Variants in RAB27B observed in about 807,000 individuals in gnomAD.
RAB27B encodes ras-related protein Rab-27B.
RAB27B carries 15 observed loss-of-function variants against 24.6 expected under a neutral mutation model. The observed-to-expected ratio is 0.61, with a 90% confidence interval of 0.41 to 0.94. The LOEUF is 0.94. Among genes scored for constraint, RAB27B ranks in the 40% least tolerant of loss-of-function variants. The probability of loss-of-function intolerance (pLI) is 0.00; values close to 1 mark genes in which losing one functional copy is unlikely to be tolerated. For missense variants in RAB27B, 261 were observed against 266.8 expected, an observed-to-expected ratio of 0.98 and a Z score of 0.15; for synonymous variants, 105 against 92.5, an observed-to-expected ratio of 1.14 and a Z score of -0.78.
At chr18:54,832,027 G>A (rs1598939269) in intron 1 of RAB27B, among the ~76,000 whole-genome samples, 1 of 152,102 alleles carries the variant, frequency 6.6e-6, no homozygotes, top group Non-Finnish European at 1.5e-5. Context: ...GCCTACCTTG[G>A]CCTCCCAAAG....
At chr18:54,817,658 G>A (rs2008315) in intron 2 of RAB27B, among the ~76,000 whole-genome samples, 30,965 of 151,822 alleles carry the variant, frequency 0.2, 3,638 homozygotes, top group African/African-American at 0.31. Context: ...AGTTGCAATT[G>A]AAGTAATCAT....
intron 2 of RAB27B, among the ~76,000 whole-genome samples, chr18:54,818,012 G>C (rs1910172311): frequency 6.6e-6 from 1 of 152,092 alleles, no homozygotes; most frequent in South Asian, 2.1e-4. Flanking sequence ...GTCGAAGTTG[G>C]TTAAGCCACA....
chr18:54,771,131 A>G (rs1307608202), intron 2 of RAB27B, among the ~76,000 whole-genome samples: 2 of 152,204 alleles, frequency 1.3e-5, no homozygotes, highest in African/African-American at 4.8e-5. Context: ...GCCACTATCC[A>G]GAAAATGCTG....
At chr18:54,746,928 A>T (rs1032469318) in intron 2 of RAB27B, among the ~76,000 whole-genome samples, 2 of 152,212 alleles carry the variant, frequency 1.3e-5, no homozygotes, top group African/African-American at 4.8e-5. Flanking sequence ...CCTTTATCTA[A>T]GAATTCTGGC....
chr18:54,773,800 G>A (rs557898752), intron 2 of RAB27B, among the ~76,000 whole-genome samples: 4 of 151,600 alleles, frequency 2.6e-5, no homozygotes, highest in Non-Finnish European at 4.4e-5. Context: ...TCAGCCTCCC[G>A]AGTAGCTGGG....
chr18:54,793,503 T>G (rs144266509), intron 2 of RAB27B, among the ~76,000 whole-genome samples: 2 of 152,096 alleles, frequency 1.3e-5, no homozygotes, highest in Non-Finnish European at 2.9e-5. Flanking sequence ...GAGAGAGATG[T>G]CCTTTTCACA....
At chr18:54,872,453 C>T (rs1912510968) in intron 1 of RAB27B, among the ~76,000 whole-genome samples, 1 of 151,760 alleles carries the variant, frequency 6.6e-6, no homozygotes. Context: ...TGGAGAAACC[C>T]CATCTCTACC....
rs62091651 is a variant in RAB27B at position 54,764,092 on chromosome 18, T to C, written c.-20+45951T>C. ...ATATATACTTATGAAGCAGTAGTTATTGATTTTTATTTACTGCAGCTTGTT... is the reference window on the plus strand; with the variant it reads ...ATATATACTTATGAAGCAGTAGTTACTGATTTTTATTTACTGCAGCTTGTT... On this transcript the variant is annotated intron_variant, in intron 2 of 4. Transcript: ENST00000586570. Among the ~76,000 whole-genome samples, 840 of 152,284 alleles carry C rather than the reference T, an allele frequency of 5.5e-3. 8 individuals carry two copies. Among genetic ancestry groups the C allele is most frequent in the Non-Finnish European group, 9.9e-3 (674 of 68,026 alleles).
At chr18:54,858,394 T>G (rs1235995050) in intron 1 of RAB27B, among the ~76,000 whole-genome samples, 21 of 150,010 alleles carry the variant, frequency 1.4e-4, no homozygotes, top group East Asian at 3.9e-4. Context: ...TTTTTTTTTT[T>G]TTTTTTTTGA....
At chr18:54,780,083 C>T (rs528885742) in intron 2 of RAB27B, among the ~76,000 whole-genome samples, 1 of 141,210 alleles carries the variant, frequency 7.1e-6, no homozygotes, top group African/African-American at 2.7e-5. Flanking sequence ...ACCGCGTCTC[C>T]GCCCGTCCTG....
intron 2 of RAB27B, among the ~76,000 whole-genome samples, chr18:54,793,563 A>G (rs1909322131): frequency 2.0e-5 from 3 of 152,220 alleles, no homozygotes; most frequent in Admixed American, 1.3e-4. Flanking sequence ...GATAGTCCCT[A>G]GGATCTGTCT....
Position 54,761,523 on chromosome 18 carries a change from C to T in RAB27B, c.-20+43382C>T, listed in dbSNP as rs557507026. Among the ~76,000 whole-genome samples the T allele has an allele frequency of 3.3e-5, 5 of 152,278 alleles. No individual in the cohort carries two copies. In the East Asian group the frequency reaches 9.6e-4, roughly 29 times the overall value. ...TAAAACAGGAAATGTTACCCTACTT[C>T]CCTGCTTACATACAACAGTTATAAA... is the stretch of plus-strand genomic sequence containing the variant. On this transcript the variant is annotated intron_variant, in intron 2 of 4. Coordinates refer to the RAB27B transcript ENST00000586570.
chr18:54,867,446 T>TCTTTTCTTTTCTTTTC (rs1555666341), intron 1 of RAB27B, among the ~76,000 whole-genome samples: 35 of 88,300 alleles, frequency 4.0e-4, no homozygotes, highest in African/African-American at 1.2e-3. Flanking sequence ...TCTTTTCTTT[T>TCTTTTCTTTTCTTTTC]TTTTTTTTTT....
At chr18:54,819,146 A>G (rs897164465) in intron 2 of RAB27B, among the ~76,000 whole-genome samples, 1 of 148,136 alleles carries the variant, frequency 6.8e-6, no homozygotes, top group African/African-American at 2.5e-5. Flanking sequence ...TGTACTTATT[A>G]TAAATAATTA....
At chr18:54,840,274 T>C (rs1003637368) in intron 1 of RAB27B, among the ~76,000 whole-genome samples, 1 of 152,214 alleles carries the variant, frequency 6.6e-6, no homozygotes, top group African/African-American at 2.4e-5. Flanking sequence ...TTTTCTACAA[T>C]GCTTAGTGCC....
intron 2 of RAB27B, among the ~76,000 whole-genome samples, chr18:54,745,755 T>C (rs991030247): frequency 2.1e-4 from 31 of 147,260 alleles, no homozygotes; most frequent in Admixed American, 2.1e-3. Context: ...TATTCATAAA[T>C]ATTTATAAAT....
intron 2 of RAB27B, among the ~76,000 whole-genome samples, chr18:54,768,835 A>G (rs990567351): frequency 4.6e-5 from 7 of 152,152 alleles, no homozygotes; most frequent in Non-Finnish European, 1.0e-4. Context: ...CTCACTCACT[A>G]TCATGAGGAC....
chr18:54,788,062 T>C (rs994215063), intron 2 of RAB27B, among the ~76,000 whole-genome samples: 1 of 152,236 alleles, frequency 6.6e-6, no homozygotes. Flanking sequence ...GTTTTTGGTA[T>C]ATCTCTTCCT....
intron 1 of RAB27B, among the ~76,000 whole-genome samples, chr18:54,867,358 T>G (rs1024135989): frequency 6.6e-6 from 1 of 151,982 alleles, no homozygotes; most frequent in Non-Finnish European, 1.5e-5. Context: ...ACAATAGCAT[T>G]ATTAATCAGA....
Sources: allele counts gnomAD v4.1 joint callset (sites outside exome capture counted in the v4.1 genomes callset), GRCh38; gene constraint gnomAD v4.1.1; transcripts MANE v1.5; gene names NCBI Gene and HGNC (gene_info 2026-07-23, HGNC 2026-07-21).